ZNF541: variants seen among roughly 807,000 people sequenced by gnomAD.
ZNF541 encodes the protein zinc finger protein 541.
Under a neutral mutation model 123.5 loss-of-function variants are expected in ZNF541, and 23 were observed. The ratio of observed to expected loss-of-function variants is 0.19; its 90% CI spans 0.13 to 0.26. The LOEUF is 0.26. Among genes scored for constraint, ZNF541 ranks in the 10% least tolerant of loss-of-function variants. ZNF541 has a pLI of 1.00. For missense variants in ZNF541, 1,612 were observed against 1,789.9 expected (o/e 0.90, Z 1.79); for synonymous variants, 751 against 754.5 (o/e 1.00, Z 0.08).
Position 47,545,346 on chromosome 19 carries a change from G to T in ZNF541, c.1183C>A (p.Pro395Thr), listed in dbSNP as rs1449740753. 6.5e-7 allele frequency: 1 copy of T among 1,542,924 alleles called. No individual in the cohort carries two copies. Among genetic ancestry groups the T allele is most frequent in the Non-Finnish European group, 8.7e-7 (1 of 1,143,552 alleles). Residue 395 changes from proline (P) to threonine (T), a missense_variant, in exon 5 of 17, where the codon CCT becomes ACT. Pro to Thr is a conservative substitution (Grantham distance 38, BLOSUM62 -1). Transcript: ENST00000391901. This position sits in a 1 kb window ranked among gnomAD's most constrained non-coding sequence, Gnocchi z 7.5. ...GGGACCGTCTGGCCTCGGAAGAGAG[G>T]CAGGCAGGCAGGCACGGAGCCGCCT... ...PEGGSVPACLPLFRGQTVPAS... is the reference protein window; with the variant it reads ...PEGGSVPACLTLFRGQTVPAS...
chr19:47,558,371 G>A (rs1436329717), intron 2 of ZNF541, among the ~76,000 whole-genome samples: 1 of 151,644 alleles, frequency 6.6e-6, no homozygotes, highest in African/African-American at 2.4e-5. Flanking sequence ...AGCCGAGATC[G>A]TGCCACTGCA....
At chr19:47,572,862 C>G (rs1234410009) in intron 1 of ZNF541, among the ~76,000 whole-genome samples, 1 of 151,970 alleles carries the variant, frequency 6.6e-6, no homozygotes, top group Non-Finnish European at 1.5e-5. Flanking sequence ...TGCAGCGGGG[C>G]CCGGAGCTGT....
chr19:47,530,178 C>T (rs1809011), intron 12 of ZNF541, among the ~76,000 whole-genome samples: 147,470 of 148,212 alleles, frequency 0.99, 73,364 homozygotes, highest in East Asian at 1. Flanking sequence ...TTTGTTTTTT[C>T]TTTTTTTTGA....
chr19:47,549,726 C>T (rs931267474), intron 3 of ZNF541, among the ~76,000 whole-genome samples: 2 of 152,138 alleles, frequency 1.3e-5, no homozygotes, highest in African/African-American at 2.4e-5. Flanking sequence ...CCTTCCAGAG[C>T]AGCATGACCA....
Position 47,544,245 on chromosome 19 carries a change from C to T in ZNF541, c.2284G>A (p.Ala762Thr). Reference protein sequence around the residue: ...PRFSGFRKEKAKMDMCCAASP... With the variant: ...PRFSGFRKEKTKMDMCCAASP... ...GCCGCACAGCACATATCCATCTTCG[C>T]CTTCTCTTTCCGGAAGCCGGAGAAT... Residue 762 changes from alanine (A) to threonine (T), a missense_variant, in exon 5 of 17, where the codon GCG (alanine) becomes ACG (threonine). Physicochemically the swap from Ala to Thr is moderately conservative, Grantham distance 58 (BLOSUM62 0). Coordinates refer to ENST00000391901, the MANE Select transcript of ZNF541 (RefSeq NM_001277075.3). 6.4e-7 allele frequency: 1 copy of T among 1,551,656 alleles called. No individual in the cohort carries two copies. The highest frequency in any genetic ancestry group is 8.7e-7 in the Non-Finnish European group (1 of 1,147,016).
intron 12 of ZNF541, 147 bp from the exon 13 acceptor site, chr19:47,529,799 C>T: frequency 2.9e-6 from 2 of 691,256 alleles, no homozygotes; most frequent in East Asian, 5.5e-5. Flanking sequence ...GGATGGGCCA[C>T]CAGCCTGTGA....
intron 2 of ZNF541, among the ~76,000 whole-genome samples, chr19:47,569,877 C>A (rs1360733192): frequency 2.0e-5 from 3 of 150,068 alleles, no homozygotes; most frequent in African/African-American, 7.4e-5. Flanking sequence ...AACCCTGTCT[C>A]AAGAAAAGAA....
chr19:47,534,770 A>G (rs963733109), intron 9 of ZNF541, among the ~76,000 whole-genome samples: 26 of 152,286 alleles, frequency 1.7e-4, no homozygotes, highest in African/African-American at 5.8e-4. Context: ...AACACCCAGA[A>G]ATACACCCAC....
intron 2 of ZNF541, among the ~76,000 whole-genome samples, 88 bp from the exon 3 acceptor site, chr19:47,556,042 G>A (rs537491646): frequency 9.2e-5 from 14 of 152,316 alleles, no homozygotes; most frequent in South Asian, 6.2e-4. Flanking sequence ...AGCAGACCTC[G>A]ATCTGGGTCT....
chr19:47,527,229 C>T (rs1052638989), intron 14 of ZNF541, among the ~76,000 whole-genome samples: 1 of 152,184 alleles, frequency 6.6e-6, no homozygotes, highest in Admixed American at 6.6e-5. Flanking sequence ...GGCTGAGGGA[C>T]ATGCTCATTA....
At chr19:47,555,457 T>C in intron 3 of ZNF541, 93 bp downstream of exon 3, 1 of 1,327,130 alleles carries the variant, frequency 7.5e-7, no homozygotes, top group African/African-American at 1.5e-5. Flanking sequence ...AGGGAAAAAT[T>C]TTCTTAACCA....
Position 47,545,663 on chromosome 19 carries a change from G to C in ZNF541, c.866C>G (p.Ser289Cys). The change falls in exon 5 of 17, where the codon TCT becomes TGT. Residue 289 changes from serine to cysteine, a missense_variant. Transcript: ENST00000391901. This position sits in a 1 kb window ranked among gnomAD's most constrained non-coding sequence, Gnocchi z 7.5. ...AGCCCCCGCCGGGGCTGGGCCAGGAGAAGGGGTCTTCTGGTGGACGATGCT... is the reference window on the plus strand; with the variant it reads ...AGCCCCCGCCGGGGCTGGGCCAGGACAAGGGGTCTTCTGGTGGACGATGCT... ...VSSIVHQKTP[S>C]PGPAPAGASD... The C allele has an allele frequency of 1.9e-6, 3 of 1,549,588 alleles. No homozygotes were observed. Among genetic ancestry groups the C allele is most frequent in the Non-Finnish European group, 2.6e-6 (3 of 1,146,808 alleles).
At chr19:47,558,052 T>C (rs957056936) in intron 2 of ZNF541, among the ~76,000 whole-genome samples, 6 of 151,968 alleles carry the variant, frequency 3.9e-5, no homozygotes, top group African/African-American at 1.2e-4. Context: ...AAAAGACTCA[T>C]AGTACTGCAA....
intron 9 of ZNF541, among the ~76,000 whole-genome samples, chr19:47,536,046 C>A (rs1241112951): frequency 6.6e-6 from 1 of 152,142 alleles, no homozygotes; most frequent in Admixed American, 6.5e-5. Flanking sequence ...AAGGGATGGG[C>A]CAAAATATAG....
rs777871177 is a variant in ZNF541 at position 47,540,203 on chromosome 19, C to T, written c.2595G>A (p.Pro865=). Residue 865 remains proline (P), a synonymous_variant, in exon 7 of 17, where the codon CCG becomes CCA. Coordinates refer to ENST00000391901, the MANE Select transcript of ZNF541 (RefSeq NM_001277075.3). ...GCGGTTCCTGCTTCCCTCGAGGTGACGGCCACTGGTCGCTGTGAAAACACA... is the reference window on the plus strand; with the variant it reads ...GCGGTTCCTGCTTCCCTCGAGGTGATGGCCACTGGTCGCTGTGAAAACACA... ...SHMCFHSDQW[P]SPRGKQEPQV... The T allele has an allele frequency of 9.7e-5, 151 of 1,551,230 alleles. 1 individual carries two copies. Among genetic ancestry groups the T allele is most frequent in the South Asian group, 7.6e-4 (64 of 84,030 alleles).
At position 47,568,552 on chromosome 19, in the gene ZNF541, C is replaced by T. The variant is rs376902995; in HGVS notation, c.-99+3344G>A. Among the ~76,000 whole-genome samples the T allele has an allele frequency of 5.9e-5, 9 of 152,256 alleles. No homozygotes were observed. In the East Asian group the frequency reaches 1.7e-3, roughly 29 times the overall value. On this transcript the variant is annotated intron_variant, in intron 2 of 16. Coordinates refer to ENST00000391901, the MANE Select transcript of ZNF541 (RefSeq NM_001277075.3). ...AGAGACAGGGTTTTGCCATGTTGGC[C>T]AGGCTGGCCTCGACCTCCTGCCGTC...
Position 47,544,134 on chromosome 19 carries a change from T to C in ZNF541, c.2395A>G (p.Arg799Gly). 3.9e-6 allele frequency: 6 copies of C among 1,547,252 alleles called. No homozygotes were observed. Among genetic ancestry groups the C allele is most frequent in the Non-Finnish European group, 5.2e-6 (6 of 1,143,798 alleles). ...TGAGAGAGAGCTGGTACCTGGATTCTGCTGAATATTGTCAGCTTGGACTTG... is the reference window on the plus strand; with the variant it reads ...TGAGAGAGAGCTGGTACCTGGATTCCGCTGAATATTGTCAGCTTGGACTTG... Reference protein sequence around the residue: ...PSKSKLTIFSRIQGGNIYRLP... With the variant: ...PSKSKLTIFSGIQGGNIYRLP... The change falls in exon 5 of 17, where the codon AGA (arginine) becomes GGA (glycine). Residue 799 changes from arginine (R) to glycine (G), a missense_variant. Physicochemically the swap from Arg to Gly is moderately radical, Grantham distance 125. Transcript: ENST00000391901.
chr19:47,561,276 A>T (rs893741973), intron 2 of ZNF541, among the ~76,000 whole-genome samples: 1 of 151,898 alleles, frequency 6.6e-6, no homozygotes, highest in Non-Finnish European at 1.5e-5. Flanking sequence ...TATGAAAAAA[A>T]ATTTTTTTTT....
intron 5 of ZNF541, 28 bp from the exon 6 acceptor site, chr19:47,540,979 C>A (rs533242908): frequency 6.5e-7 from 1 of 1,548,192 alleles, no homozygotes; most frequent in Non-Finnish European, 8.7e-7. Flanking sequence ...TCTGAACCAA[C>A]ACATCCAAAA....
Sources: gnomAD v4.1 joint callset for allele counts (sites outside exome capture counted in the v4.1 genomes callset) on GRCh38, gnomAD v4.1.1 for gene constraint, Gnocchi (gnomAD v3.1) non-coding constraint, MANE v1.5 for transcripts, NCBI Gene and HGNC (gene_info 2026-07-23, HGNC 2026-07-21) for gene names.